Variants in PNPLA7 observed in about 807,000 individuals in gnomAD.
The protein encoded by PNPLA7 is patatin-like phospholipase domain-containing protein 7.
A neutral mutation model predicts 161.7 loss-of-function variants in PNPLA7; 153 were observed. The ratio of observed to expected loss-of-function variants is 0.95; its 90% confidence interval spans 0.83 to 1.08. The LOEUF (loss-of-function observed/expected upper bound fraction) is 1.08, where lower values mean the gene tolerates loss of function less well. Among genes scored for constraint, PNPLA7 ranks in the 50% least tolerant of loss-of-function variants. PNPLA7 has a pLI of 0.00. For synonymous variants in PNPLA7, 809 were observed against 782.1 expected (o/e 1.03, Z -0.57); for missense variants, 1,739 against 1,856.6 (o/e 0.94, Z 1.16).
At chr9:137,549,797 AAC>A (rs1491029183) in intron 1 of PNPLA7, among the ~76,000 whole-genome samples, 2 of 152,318 alleles carry the variant, frequency 1.3e-5, no homozygotes, top group East Asian at 3.9e-4. Flanking sequence ...GAAAAAAAAA[AAC>A]ACAGAAAAAG....
intron 12 of PNPLA7, among the ~76,000 whole-genome samples, chr9:137,514,260 C>T (rs566954969): frequency 7.2e-6 from 1 of 139,432 alleles, no homozygotes; most frequent in Admixed American, 7.1e-5. Context: ...GTGGGTGGGT[C>T]ACCTGGCTGT....
rs1831281049 is a variant in PNPLA7 at position 137,462,788 on chromosome 9, T to C, written c.3389A>G (p.Asp1130Gly). 6.2e-7 allele frequency: 1 copy of C among 1,613,716 alleles called. No homozygotes were observed. The highest frequency in any genetic ancestry group is 1.3e-5 in the African/African-American group (1 of 74,918). The change falls in exon 30 of 35, where the codon GAC (aspartate) becomes GGC (glycine). Residue 1130 changes from aspartate to glycine, a missense_variant. Around this residue, in one of 6 missense-constraint regions of PNPLA7, gnomAD observed 703 missense variants for 694.6 expected, o/e 1.01. Coordinates refer to ENST00000406427, the MANE Select transcript of PNPLA7 (RefSeq NM_001098537.3). ...GTCCGTCTCATCTCGGCTGCCCACG[T>C]CAATGGCGATCACCACTTTTGCCCC... is the stretch of plus-strand genomic sequence containing the variant. The part of the protein sequence containing the change: ...SMGAKVVIAI[D>G]VGSRDETDLT...
At chr9:137,497,431 A>T (rs1347507704) in intron 17 of PNPLA7, 121 bp from the exon 18 acceptor site, 1 of 1,012,542 alleles carries the variant, frequency 9.9e-7, no homozygotes, top group Non-Finnish European at 1.3e-6. Context: ...TCACTATCTT[A>T]TTTTTGTTTT....
At chr9:137,508,130 G>A (rs1310976846) in intron 12 of PNPLA7, among the ~76,000 whole-genome samples, 2 of 151,974 alleles carry the variant, frequency 1.3e-5, no homozygotes, top group East Asian at 3.9e-4. Context: ...ATGGGCTGAG[G>A]CAGGTGGATC....
intron 16 of PNPLA7, 105 bp from the exon 17 acceptor site, chr9:137,498,350 C>T: frequency 8.0e-6 from 12 of 1,508,480 alleles, no homozygotes; most frequent in Non-Finnish European, 1.1e-5. Flanking sequence ...CCCACCCCAC[C>T]CGGAAAGTAG....
intron 23 of PNPLA7, 144 bp from the exon 24 acceptor site, chr9:137,479,382 G>A (rs1489235809): frequency 7.4e-7 from 1 of 1,346,282 alleles, no homozygotes; most frequent in Non-Finnish European, 9.5e-7. Context: ...CTGTGGCCTG[G>A]TCTGCCTTGG....
intron 16 of PNPLA7, 49 bp from the exon 17 acceptor site, chr9:137,498,294 C>G (rs1833178570): frequency 6.3e-7 from 1 of 1,598,512 alleles, no homozygotes; most frequent in Non-Finnish European, 8.5e-7. Context: ...CAACCCTACC[C>G]TTCGCCCAGG....
chr9:137,466,817 GACCACCTCCCACC>G (rs1564282596), intron 26 of PNPLA7, among the ~76,000 whole-genome samples: 169 of 142,146 alleles, frequency 1.2e-3, no homozygotes, highest in African/African-American at 3.9e-3. Context: ...GCACGGATCA[GACCACCTCCCACC>G]ACCGTCTCCA....
At chr9:137,502,722 G>GGGGGGGACGGGGGGGACGC (rs1833534755) in intron 14 of PNPLA7, among the ~76,000 whole-genome samples, 1 of 130,218 alleles carries the variant, frequency 7.7e-6, no homozygotes, top group Admixed American at 7.6e-5. Context: ...CGGGGGACGC[G>GGGGGGGACGGGGGGGACGC]GGGGACGGGG....
Position 137,501,737 on chromosome 9 carries a change from G to A in PNPLA7, c.1474-10C>T, listed in dbSNP as rs1450003140. The A allele has an allele frequency of 3.7e-6, 6 of 1,611,982 alleles. No individual in the cohort carries two copies. Among genetic ancestry groups the A allele is most frequent in the African/African-American group, 1.3e-5 (1 of 74,924 alleles). ...CCAACAGAGATGAGTCCTAAAAACA[G>A]AGCAGACTTCAGGGAACACGGGCGG... On this transcript the variant is annotated splice_polypyrimidine_tract_variant and intron_variant, in intron 14 of 34. Transcript: ENST00000406427.
At chr9:137,546,031 A>C (rs1054007074) in intron 4 of PNPLA7, among the ~76,000 whole-genome samples, 1 of 152,052 alleles carries the variant, frequency 6.6e-6, no homozygotes, top group Non-Finnish European at 1.5e-5. Flanking sequence ...CCGGAGGCCT[A>C]ACCGTCTCCC....
intron 8 of PNPLA7, among the ~76,000 whole-genome samples, chr9:137,539,446 C>T (rs1836071666): frequency 6.6e-6 from 1 of 152,140 alleles, no homozygotes; most frequent in South Asian, 2.1e-4. Context: ...CTGAGGTAGG[C>T]AGATCACTTG....
At chr9:137,549,999 G>C (rs1836762623) in intron 1 of PNPLA7, among the ~76,000 whole-genome samples, 169 bp downstream of exon 1, 1 of 152,242 alleles carries the variant, frequency 6.6e-6, no homozygotes, top group African/African-American at 2.4e-5. Flanking sequence ...GCTGGCAGCT[G>C]TGACAGGCAG....
At chr9:137,519,529 A>G (rs530330152) in intron 11 of PNPLA7, among the ~76,000 whole-genome samples, 1 of 152,294 alleles carries the variant, frequency 6.6e-6, no homozygotes, top group African/African-American at 2.4e-5. Flanking sequence ...AGGTTTGAGG[A>G]CATCCAGCCC....
rs1195499682 is a variant in PNPLA7 at position 137,523,714 on chromosome 9, C to T, written c.748-857G>A. 1.3e-5 allele frequency among the ~76,000 whole-genome samples: 2 copies of T among 151,868 alleles called. No individual in the cohort carries two copies. Among genetic ancestry groups the T allele is most frequent in the African/African-American group, 4.8e-5 (2 of 41,302 alleles). ...TGATCTTGGCTCACTGCAAGCTCCG[C>T]CTCCCGGGTTCACACCATTCTCCTG... is the stretch of plus-strand genomic sequence containing the variant. On this transcript the variant is annotated intron_variant, in intron 8 of 34. Transcript: ENST00000406427. The surrounding 1 kb of genome is among the most constrained non-coding windows in gnomAD (Gnocchi z 4.4).
chr9:137,517,035 C>T (rs529542478), intron 11 of PNPLA7, among the ~76,000 whole-genome samples: 5 of 146,022 alleles, frequency 3.4e-5, no homozygotes, highest in Admixed American at 3.4e-4. Context: ...TCCACTCCAT[C>T]CCCTGTCACT....
intron 25 of PNPLA7, among the ~76,000 whole-genome samples, chr9:137,473,224 G>C (rs530427151): frequency 2.4e-4 from 37 of 152,308 alleles, no homozygotes; most frequent in Admixed American, 8.5e-4. Context: ...TATAGTTCAA[G>C]GTGAGATTTG....
At position 137,500,734 on chromosome 9, in the gene PNPLA7, T is replaced by G; in HGVS notation, c.1714A>C (p.Arg572=). ...EPLIFTVKAN[R]DCSFLSISKA... ...GAGATGGACAGGAAGCTGCAGTCCCTGTTGGCCTTGACGGTGAAGATGAGA... is the reference window on the plus strand; with the variant it reads ...GAGATGGACAGGAAGCTGCAGTCCCGGTTGGCCTTGACGGTGAAGATGAGA... Residue 572 remains arginine (R), a synonymous_variant, in exon 16 of 35, where the codon AGG becomes CGG. Coordinates refer to ENST00000406427, the MANE Select transcript of PNPLA7 (RefSeq NM_001098537.3). This position sits in a 1 kb window ranked among gnomAD's most constrained non-coding sequence, Gnocchi z 5.5. 6.2e-7 allele frequency: 1 copy of G among 1,612,414 alleles called. No homozygotes were observed. The highest frequency in any genetic ancestry group is 8.5e-7 in the Non-Finnish European group (1 of 1,179,850).
At chr9:137,462,875 C>CAG (rs1268160305) in intron 29 of PNPLA7, 42 bp from the exon 30 acceptor site, 1 of 1,607,158 alleles carries the variant, frequency 6.2e-7, no homozygotes, top group Admixed American at 1.7e-5. Context: ...GACAGGCATG[C>CAG]AGAGCCAGGG....
Sources: allele counts gnomAD v4.1 joint callset (sites outside exome capture counted in the v4.1 genomes callset), GRCh38; gene constraint gnomAD v4.1.1; regional missense constraint gnomAD v4.1.1; non-coding constraint Gnocchi (gnomAD v3.1); transcripts MANE v1.5; gene names NCBI Gene and HGNC (gene_info 2026-07-23, HGNC 2026-07-21).